The following COL22A1 variants were observed in gnomAD, a reference collection of about 807,000 sequenced individuals.
COL22A1 encodes collagen alpha-1(XXII) chain.
Under a neutral mutation model 248.9 loss-of-function variants are expected in COL22A1, and 221 were observed. That is an observed-to-expected ratio of 0.89 (90% confidence interval 0.80 to 0.99). COL22A1 has a LOEUF of 0.99. COL22A1 is among the 50% of genes least tolerant of loss of function. The probability of loss-of-function intolerance (pLI) is 0.00; values close to 1 mark genes in which losing one functional copy is unlikely to be tolerated. For synonymous variants in COL22A1, 891 were observed against 793.4 expected (o/e 1.12, Z -2.07); for missense variants, 2,240 against 2,179.0 (o/e 1.03, Z -0.56).
intron 1 of COL22A1, among the ~76,000 whole-genome samples, chr8:138,906,116 A>G (rs1004168129): frequency 2.0e-5 from 3 of 152,182 alleles, no homozygotes; most frequent in African/African-American, 7.2e-5. Flanking sequence ...CACGCCTGTA[A>G]TCCCAGCACT....
At chr8:138,620,825 A>G (rs1424459937) in intron 52 of COL22A1, among the ~76,000 whole-genome samples, 2 of 152,222 alleles carry the variant, frequency 1.3e-5, no homozygotes, top group Non-Finnish European at 2.9e-5. Flanking sequence ...ATCCTACAGT[A>G]TAATTAATGC....
In COL22A1 at chr8:138,878,002, G is replaced by T; in HGVS notation, c.406C>A (p.Arg136Ser). 6.3e-7 allele frequency: 1 copy of T among 1,581,800 alleles called. No homozygotes were observed. The highest frequency in any genetic ancestry group is 2.3e-5 in the East Asian group (1 of 43,060). ...ARSFSPHAGG[R>S]PRDRAYKQVA... ...TGCTTGTAGGCGCGGTCCCTGGGGC[G>T]GCCGCCGGCGTGTGGGGAGAAGCTG... Residue 136 changes from arginine (R) to serine (S), a missense_variant, in exon 3 of 65, where the codon CGC (arginine) becomes AGC (serine). Physicochemically the swap from Arg to Ser is moderately radical, Grantham distance 110. Transcript: ENST00000303045.
At chr8:138,627,876 A>G (rs1820377174) in intron 50 of COL22A1, among the ~76,000 whole-genome samples, 1 of 152,148 alleles carries the variant, frequency 6.6e-6, no homozygotes, top group Non-Finnish European at 1.5e-5. Context: ...AATCCAGTAA[A>G]ATTTAGGTGG....
intron 4 of COL22A1, among the ~76,000 whole-genome samples, chr8:138,835,429 G>A (rs144749722): frequency 1.3e-3 from 205 of 152,308 alleles, no homozygotes; most frequent in African/African-American, 4.4e-3. Flanking sequence ...TTTGTGGGAG[G>A]GAACAGGCAC....
rs539235870 is a variant in COL22A1, at chr8:138,885,567, C to G, written c.-72-2323G>C. Among the ~76,000 whole-genome samples, 11 of 145,374 alleles carry G rather than the reference C, an allele frequency of 7.6e-5. No individual in the cohort carries two copies. In the East Asian group the frequency reaches 2.1e-3, roughly 28 times the overall value. ...ATTCACCAAATGCCAACGTATCACA[C>G]AGTTTTTTTTGTTTTTGTTTTTTGT... On this transcript the variant is annotated intron_variant, in intron 1 of 64. Coordinates refer to ENST00000303045, the MANE Select transcript of COL22A1 (RefSeq NM_152888.3).
chr8:138,903,109 G>T (rs1368791941), intron 1 of COL22A1, among the ~76,000 whole-genome samples: 1 of 152,102 alleles, frequency 6.6e-6, no homozygotes. Context: ...ATTAACTTAT[G>T]AATTATTGAG....
chr8:138,684,801 C>T (rs1479624032), intron 38 of COL22A1, among the ~76,000 whole-genome samples: 1 of 152,194 alleles, frequency 6.6e-6, no homozygotes, highest in African/African-American at 2.4e-5. Context: ...ACCTTCACTT[C>T]AGGCTGAAGG....
intron 11 of COL22A1, among the ~76,000 whole-genome samples, chr8:138,802,219 G>A (rs1817054409): frequency 6.6e-6 from 1 of 152,090 alleles, no homozygotes; most frequent in African/African-American, 2.4e-5. Context: ...GCTCCTGAGG[G>A]CCACCCTGAA....
At chr8:138,793,181 A>G (rs1328780601) in intron 12 of COL22A1, among the ~76,000 whole-genome samples, 3 of 152,272 alleles carry the variant, frequency 2.0e-5, no homozygotes, top group East Asian at 3.9e-4. Flanking sequence ...CTCAAACTCA[A>G]TCCAACCTAT....
At chr8:138,655,068 G>A (rs1823110657) in intron 45 of COL22A1, among the ~76,000 whole-genome samples, 1 of 152,156 alleles carries the variant, frequency 6.6e-6, no homozygotes, top group Non-Finnish European at 1.5e-5. Flanking sequence ...TGGTGTCAGC[G>A]AGAAAGGATT....
At chr8:138,869,640 A>T (rs1823168532) in intron 3 of COL22A1, among the ~76,000 whole-genome samples, 1 of 151,680 alleles carries the variant, frequency 6.6e-6, no homozygotes, top group African/African-American at 2.4e-5. Context: ...CATTTTCAGT[A>T]ATTTTCACAT....
At chr8:138,632,736 T>C (rs373274682) in intron 49 of COL22A1, among the ~76,000 whole-genome samples, 2 of 152,338 alleles carry the variant, frequency 1.3e-5, no homozygotes, top group East Asian at 3.9e-4. Flanking sequence ...GATTTGTCTC[T>C]ATCACTTCTA....
chr8:138,886,098 A>G (rs778972660), intron 1 of COL22A1, among the ~76,000 whole-genome samples: 4 of 152,168 alleles, frequency 2.6e-5, no homozygotes, highest in Non-Finnish European at 4.4e-5. Flanking sequence ...CATCTGGAGA[A>G]ATTATTCCCC....
intron 41 of COL22A1, among the ~76,000 whole-genome samples, chr8:138,667,433 G>A (rs1824606471): frequency 6.6e-6 from 1 of 152,098 alleles, no homozygotes; most frequent in Admixed American, 6.5e-5. Context: ...ATTGGCAGAA[G>A]ACAAGACAAA....
In COL22A1 at chr8:138,826,664, G is replaced by GCAGT; in HGVS notation, c.962_963insACTG (p.Pro322LeufsTer11). On this transcript the variant is annotated frameshift_variant, in exon 6 of 65. Transcript: ENST00000303045. LOFTEE classifies it high-confidence loss of function. ...AGGCATCTGCTGCCCTTACCTGTGG[G>GCAGT]ATGCTGTACTGGTCGATGACCTGCC... is the stretch of plus-strand genomic sequence containing the variant. The GCAGT allele has an allele frequency of 6.2e-7, 1 of 1,613,860 alleles. No individual in the cohort carries two copies. Among genetic ancestry groups the GCAGT allele is most frequent in the Non-Finnish European group, 8.5e-7 (1 of 1,179,844 alleles).
intron 1 of COL22A1, among the ~76,000 whole-genome samples, chr8:138,890,086 A>C (rs1824944809): frequency 6.6e-6 from 1 of 152,200 alleles, no homozygotes; most frequent in African/African-American, 2.4e-5. Context: ...AACATACAAA[A>C]ATCAATCAAT....
At chr8:138,718,528 G>A (rs1266500525) in intron 27 of COL22A1, among the ~76,000 whole-genome samples, 1 of 152,204 alleles carries the variant, frequency 6.6e-6, no homozygotes, top group Non-Finnish European at 1.5e-5. Context: ...GCCTCAAAAT[G>A]TCAATGCCTC....
chr8:138,649,268 T>C (rs1324262356), intron 46 of COL22A1, among the ~76,000 whole-genome samples: 1 of 152,196 alleles, frequency 6.6e-6, no homozygotes, highest in Non-Finnish European at 1.5e-5. Flanking sequence ...ATTGAATGCA[T>C]GCATGAATGG....
chr8:138,901,015 G>C (rs965984392), intron 1 of COL22A1, among the ~76,000 whole-genome samples: 2 of 152,108 alleles, frequency 1.3e-5, no homozygotes, highest in African/African-American at 4.8e-5. Context: ...TTGTTTTATA[G>C]TATTCTTTGG....
Sources: gnomAD v4.1 joint callset for allele counts (sites outside exome capture counted in the v4.1 genomes callset) on GRCh38, gnomAD v4.1.1 for gene constraint, MANE v1.5 for transcripts, NCBI Gene and HGNC (gene_info 2026-07-23, HGNC 2026-07-21) for gene names.